The following AKT3 variants were observed in gnomAD, a reference collection of about 807,000 sequenced individuals.
The protein encoded by AKT3 is RAC-gamma serine/threonine-protein kinase.
In AKT3, 15 loss-of-function variants were observed where a neutral mutation model predicts 65.3. That is an observed-to-expected ratio of 0.23 (90% CI 0.15 to 0.35). The LOEUF (loss-of-function observed/expected upper bound fraction) is 0.35, where lower values mean the gene tolerates loss of function less well. Among genes scored for constraint, AKT3 ranks in the 10% least tolerant of loss-of-function variants. The pLI is 1.00. For missense variants in AKT3, 243 were observed against 576.5 expected (o/e 0.42, Z 5.92); for synonymous variants, 206 against 183.8 (o/e 1.12, Z -0.98).
At chr1:243,499,589 G>A, downstream of AKT3, 1 of 675,606 alleles carries the variant, frequency 1.5e-6, no homozygotes, top group Non-Finnish European at 2.7e-6. Context: ...CTTTGATGTG[G>A]ACAAGATGAG....
intron 3 of AKT3, among the ~76,000 whole-genome samples, chr1:243,684,568 T>C (rs1385543804): frequency 1.3e-5 from 2 of 152,194 alleles, no homozygotes; most frequent in Admixed American, 6.5e-5. Flanking sequence ...TGATGGTCAT[T>C]TGGGTTGGTT....
chr1:243,542,872 T>C lies in AKT3; in HGVS notation c.1251+2638A>G, dbSNP rs147978298. 8.7e-4 allele frequency among the ~76,000 whole-genome samples: 132 copies of C among 152,248 alleles called. 1 individual carries two copies. Among genetic ancestry groups the C allele is most frequent in the African/African-American group, 2.9e-3 (121 of 41,526 alleles). ...TATAATAAAGTTGCTCCTTCAAGTA[T>C]ATATGGGGCGGCAGAGAACACCAGA... On this transcript the variant is annotated intron_variant, in intron 12 of 13. Coordinates refer to ENST00000673466, the MANE Select transcript of AKT3 (RefSeq NM_005465.7).
At chr1:243,493,948 G>T (rs1214888238) in intron 13 of AKT3, among the ~76,000 whole-genome samples, 2 of 151,916 alleles carry the variant, frequency 1.3e-5, no homozygotes, top group African/African-American at 2.4e-5. Flanking sequence ...GCCGAGGGAG[G>T]CCTGGCTGCA....
At chr1:243,687,616 T>G (rs1017395812) in intron 3 of AKT3, 12 of 151,550 alleles carry the variant, frequency 7.9e-5, no homozygotes, top group African/African-American at 2.2e-4. Context: ...CTTTTTCTGT[T>G]TTTTTTTTCT....
chr1:243,776,161 C>T (rs1175541499), intron 2 of AKT3, among the ~76,000 whole-genome samples: 1 of 152,160 alleles, frequency 6.6e-6, no homozygotes, highest in Non-Finnish European at 1.5e-5. Context: ...AGCAAAATCA[C>T]CAAATTAGTT....
chr1:243,775,719 TA>T (rs1385692255), intron 2 of AKT3, among the ~76,000 whole-genome samples: 1 of 152,184 alleles, frequency 6.6e-6, no homozygotes, highest in Non-Finnish European at 1.5e-5. Flanking sequence ...AGAAACTGAT[TA>T]TACTCTAATT....
intron 2 of AKT3, among the ~76,000 whole-genome samples, chr1:243,733,443 A>C (rs1687672302): frequency 6.6e-6 from 1 of 152,218 alleles, no homozygotes; most frequent in South Asian, 2.1e-4. Flanking sequence ...ACAGCAGCTA[A>C]AAGGCATAAC....
intron 2 of AKT3, among the ~76,000 whole-genome samples, chr1:243,795,452 TTTTTTTTTTG>T (rs1691905429): frequency 7.6e-6 from 1 of 131,542 alleles, no homozygotes; most frequent in African/African-American, 3.2e-5. Flanking sequence ...TCTCCTTGTT[TTTTTTTTTTG>T]TTTTTTTTTT....
At chr1:243,525,693 T>G (rs1381053235) in intron 12 of AKT3, among the ~76,000 whole-genome samples, 1 of 132,504 alleles carries the variant, frequency 7.5e-6, no homozygotes, top group African/African-American at 2.9e-5. Flanking sequence ...GAGATTATTA[T>G]CCAATTTGAA....
chr1:243,687,769 A>T (rs1399482570), intron 3 of AKT3: 4 of 152,204 alleles, frequency 2.6e-5, no homozygotes, highest in Non-Finnish European at 5.9e-5. Flanking sequence ...TAGTTTTCTT[A>T]AAAATGATCT....
At chr1:243,646,365 T>C (rs1680814892) in intron 4 of AKT3, among the ~76,000 whole-genome samples, 1 of 152,120 alleles carries the variant, frequency 6.6e-6, no homozygotes, top group South Asian at 2.1e-4. Context: ...ATCCTACTTT[T>C]TTTTTTTTGG....
At chr1:243,768,920 C>G (rs1690000364) in intron 2 of AKT3, among the ~76,000 whole-genome samples, 2 of 151,810 alleles carry the variant, frequency 1.3e-5, no homozygotes. Context: ...ATTACATTCA[C>G]AAGGCAGTGC....
intron 8 of AKT3, among the ~76,000 whole-genome samples, chr1:243,591,877 G>C (rs1676253366): frequency 1.3e-5 from 2 of 151,968 alleles, no homozygotes; most frequent in South Asian, 4.2e-4. Context: ...AAAAAGAAGA[G>C]AACATTAGTA....
downstream of AKT3, chr1:243,499,670 A>C: frequency 9.2e-7 from 1 of 1,088,014 alleles, no homozygotes; most frequent in Middle Eastern, 2.0e-4. Context: ...TTTTCATCAT[A>C]AAAGGTGACT....
At chr1:243,603,792 CAT>C (rs1453243588) in intron 8 of AKT3, among the ~76,000 whole-genome samples, 2 of 151,914 alleles carry the variant, frequency 1.3e-5, no homozygotes, top group Non-Finnish European at 2.9e-5. Context: ...AACAGGAAAT[CAT>C]ATGATACTTC....
At chr1:243,828,480 C>G (rs1009802006) in intron 2 of AKT3, among the ~76,000 whole-genome samples, 36 of 152,168 alleles carry the variant, frequency 2.4e-4, no homozygotes, top group Non-Finnish European at 2.6e-4. Context: ...AATGACTCCA[C>G]TTGTACCTGG....
At chr1:243,798,842 T>C (rs950737109) in intron 2 of AKT3, among the ~76,000 whole-genome samples, 1 of 152,222 alleles carries the variant, frequency 6.6e-6, no homozygotes, top group African/African-American at 2.4e-5. Context: ...AACACAGCAG[T>C]TGCTCTTTCA....
chr1:243,759,592 A>T (rs1176472388), intron 2 of AKT3, among the ~76,000 whole-genome samples: 1 of 152,050 alleles, frequency 6.6e-6, no homozygotes, highest in Admixed American at 6.5e-5. Context: ...CAACATCCAG[A>T]TTTCTTTTTA....
chr1:243,637,500 A>G, intron 6 of AKT3, 111 bp downstream of exon 6: 1 of 844,132 alleles, frequency 1.2e-6, no homozygotes, highest in Non-Finnish European at 1.7e-6. Flanking sequence ...CTACAACCAT[A>G]TTTTGGTTGT....
Sources: gnomAD v4.1 joint callset for allele counts (sites outside exome capture counted in the v4.1 genomes callset) on GRCh38, gnomAD v4.1.1 for gene constraint, MANE v1.5 for transcripts, NCBI Gene and HGNC (gene_info 2026-07-23, HGNC 2026-07-21) for gene names.